PCDH7: variants seen among roughly 807,000 people sequenced by gnomAD.
PCDH7 encodes protocadherin 7, also known as protocadherin-7.
In PCDH7, 17 loss-of-function variants were observed where a neutral mutation model predicts 58.9. The observed-to-expected ratio is 0.29, with a 90% confidence interval of 0.20 to 0.43. The LOEUF (loss-of-function observed/expected upper bound fraction) is 0.43, where lower values mean the gene tolerates loss of function less well. PCDH7 is among the 20% of genes least tolerant of loss of function. The pLI is 1.00. For synonymous variants in PCDH7, 664 were observed against 616.4 expected (o/e 1.08, Z -1.14); for missense variants, 1,274 against 1,441.0 (o/e 0.88, Z 1.88).
chr4:30,840,403 C>T (rs753690287), intron 1 of PCDH7, among the ~76,000 whole-genome samples: 2 of 152,062 alleles, frequency 1.3e-5, no homozygotes, highest in East Asian at 1.9e-4. Context: ...CTCATCGCTT[C>T]CTTTATGTGG....
chr4:30,739,768 G>A (rs1251196494), intron 1 of PCDH7, among the ~76,000 whole-genome samples: 1 of 152,118 alleles, frequency 6.6e-6, no homozygotes, highest in African/African-American at 2.4e-5. Flanking sequence ...TGACATTTCA[G>A]AAAGAAAATA....
rs573545731 is a variant in PCDH7 at position 31,135,160 on chromosome 4, C to T, written c.*8-7313C>T. Among the ~76,000 whole-genome samples the T allele has an allele frequency of 3.3e-5, 5 of 152,210 alleles. No individual in the cohort carries two copies. In the South Asian group the frequency reaches 6.2e-4, roughly 19 times the overall value. On this transcript the variant is annotated intron_variant, in intron 3 of 3. Transcript: ENST00000509759. ...GTTGTCTTGTCCTGATTTTCAATTT[C>T]TCATTCTTAAAATAATGTATTGCTA...
At chr4:31,026,171 A>G (rs1754406980) in intron 3 of PCDH7, among the ~76,000 whole-genome samples, 2 of 152,196 alleles carry the variant, frequency 1.3e-5, no homozygotes, top group Non-Finnish European at 2.9e-5. Context: ...TAACCTTCTA[A>G]CATTTTCTCC....
chr4:31,081,761 C>A (rs1000534612), intron 3 of PCDH7, among the ~76,000 whole-genome samples: 1 of 149,578 alleles, frequency 6.7e-6, no homozygotes, highest in African/African-American at 2.5e-5. Context: ...TTTAAAGGGA[C>A]TTTTTTTAAT....
intron 3 of PCDH7, among the ~76,000 whole-genome samples, chr4:31,073,527 G>A (rs981472428): frequency 6.6e-6 from 1 of 152,152 alleles, no homozygotes; most frequent in Non-Finnish European, 1.5e-5. Context: ...CTCATAGCAG[G>A]TCATGTGCAG....
chr4:30,972,969 G>A (rs1749732129), intron 3 of PCDH7, among the ~76,000 whole-genome samples: 1 of 152,042 alleles, frequency 6.6e-6, no homozygotes, highest in Non-Finnish European at 1.5e-5. Context: ...TCCTAGATGA[G>A]GAATAAATAT....
Position 30,723,531 on chromosome 4 carries a change from A to G in PCDH7, c.2109A>G (p.Glu703=). Reference sequence around the variant, plus strand: ...ACTCCACAATGTCTTTTGACCGGGAACATCAGACCACATACACTTTCAGAG... The same window carrying G: ...ACTCCACAATGTCTTTTGACCGGGAGCATCAGACCACATACACTTTCAGAG... Residue 703 remains glutamate, a synonymous_variant, in exon 1 of 2, where the codon GAA becomes GAG. Coordinates refer to ENST00000361762, the Ensembl canonical transcript of PCDH7. The surrounding 1 kb of genome is among the most constrained non-coding windows in gnomAD (Gnocchi z 4.6). The G allele has an allele frequency of 1.2e-6, 2 of 1,614,144 alleles. No individual in the cohort carries two copies. The highest frequency in any genetic ancestry group is 1.7e-6 in the Non-Finnish European group (2 of 1,180,022).
intron 3 of PCDH7, among the ~76,000 whole-genome samples, chr4:30,998,156 T>C (rs923557572): frequency 7.2e-5 from 11 of 152,156 alleles, no homozygotes; most frequent in Non-Finnish European, 1.3e-4. Flanking sequence ...GCTCATTTAT[T>C]AAATAAGACA....
intron 2 of PCDH7, among the ~76,000 whole-genome samples, chr4:30,943,064 T>A (rs1746246791): frequency 6.6e-6 from 1 of 152,072 alleles, no homozygotes; most frequent in African/African-American, 2.4e-5. Flanking sequence ...TGCAAAAACC[T>A]GCATAAGAAA....
At chr4:30,757,388 C>T (rs1406651533) in intron 1 of PCDH7, among the ~76,000 whole-genome samples, 1 of 152,188 alleles carries the variant, frequency 6.6e-6, no homozygotes, top group South Asian at 2.1e-4. Context: ...ACACCGTGAG[C>T]AGGGCAGAAA....
chr4:30,750,729 G>A (rs1356648901), intron 1 of PCDH7, among the ~76,000 whole-genome samples: 2 of 151,950 alleles, frequency 1.3e-5, no homozygotes, highest in Non-Finnish European at 2.9e-5. Context: ...TGCATTCTAG[G>A]TACTGGCCCA....
At chr4:30,876,829 C>T (rs1736346071) in intron 1 of PCDH7, among the ~76,000 whole-genome samples, 1 of 151,908 alleles carries the variant, frequency 6.6e-6, no homozygotes, top group Non-Finnish European at 1.5e-5. Flanking sequence ...TGGTGGTTTG[C>T]TGTACCTGTC....
At chr4:30,868,322 T>C (rs1446852026) in intron 1 of PCDH7, among the ~76,000 whole-genome samples, 3 of 152,232 alleles carry the variant, frequency 2.0e-5, no homozygotes, top group South Asian at 4.1e-4. Context: ...GCTAGCATCA[T>C]ACAAAATGGT....
chr4:30,830,470 G>A (rs961939593), intron 1 of PCDH7, among the ~76,000 whole-genome samples: 8 of 151,940 alleles, frequency 5.3e-5, no homozygotes, highest in Admixed American at 5.3e-4. Flanking sequence ...ACTAAAAAAA[G>A]ATTTAAAAAA....
At chr4:30,833,099 T>G (rs1266713413) in intron 1 of PCDH7, among the ~76,000 whole-genome samples, 3 of 152,186 alleles carry the variant, frequency 2.0e-5, no homozygotes, top group Non-Finnish European at 4.4e-5. Flanking sequence ...AGGGCTTATT[T>G]GGAATGTGTT....
chr4:30,865,456 A>G (rs1204597908), intron 1 of PCDH7, among the ~76,000 whole-genome samples: 1 of 152,018 alleles, frequency 6.6e-6, no homozygotes, highest in Non-Finnish European at 1.5e-5. Context: ...GAGAAGCTAG[A>G]CTATAGTCTG....
chr4:31,017,087 G>A (rs572540069), intron 3 of PCDH7, among the ~76,000 whole-genome samples: 87 of 152,218 alleles, frequency 5.7e-4, no homozygotes, highest in South Asian at 1.5e-3. Context: ...AGAAGCGTTA[G>A]CAATGTTGCC....
intron 3 of PCDH7, among the ~76,000 whole-genome samples, chr4:31,033,565 C>G (rs180920197): frequency 3.9e-5 from 6 of 152,246 alleles, no homozygotes; most frequent in African/African-American, 1.4e-4. Context: ...AACTTCAATT[C>G]AAAAACTCAC....
intron 3 of PCDH7, among the ~76,000 whole-genome samples, chr4:31,022,435 G>A (rs1275202303): frequency 6.6e-6 from 1 of 152,064 alleles, no homozygotes; most frequent in Non-Finnish European, 1.5e-5. Context: ...AATCTATTTA[G>A]GTAATGAGGC....
Sources: gnomAD v4.1 joint callset for allele counts (sites outside exome capture counted in the v4.1 genomes callset) on GRCh38, gnomAD v4.1.1 for gene constraint, Gnocchi (gnomAD v3.1) non-coding constraint, MANE v1.5 for transcripts, NCBI Gene and HGNC (gene_info 2026-07-23, HGNC 2026-07-21) for gene names.